The following ITPR1 variants were observed in gnomAD, a reference collection of about 807,000 sequenced individuals.
ITPR1 encodes the protein inositol 1,4,5-trisphosphate receptor type 1.
ITPR1 carries 96 observed loss-of-function variants against 318.4 expected under a neutral mutation model. The ratio of observed to expected loss-of-function variants is 0.30; its 90% CI spans 0.26 to 0.36. The LOEUF (loss-of-function observed/expected upper bound fraction) is 0.36. Ranked by LOEUF, ITPR1 falls within the 10% of genes least tolerant of loss-of-function variation. The pLI, the probability that ITPR1 is intolerant of heterozygous loss-of-function variation, is 1.00. For synonymous variants in ITPR1, 1,312 were observed against 1,289.9 expected (o/e 1.02, Z -0.37); for missense variants, 2,440 against 3,460.2 (o/e 0.71, Z 7.40).
At chr3:4,782,792 A>C in intron 50 of ITPR1, 51 bp downstream of exon 50, 1 of 1,405,234 alleles carries the variant, frequency 7.1e-7, no homozygotes, top group Non-Finnish European at 9.3e-7. Context: ...ACAGGTCCAA[A>C]ATTCCGAGCT....
intron 60 of ITPR1, among the ~76,000 whole-genome samples, chr3:4,835,637 C>G (rs1337655615): frequency 6.6e-6 from 1 of 152,162 alleles, no homozygotes; most frequent in East Asian, 1.9e-4. Context: ...CAAGATAAAA[C>G]TGGTCCAGGT....
chr3:4,661,098 G>A lies in ITPR1; in HGVS notation c.1251+11G>A, dbSNP rs766178256. 1.3e-6 allele frequency: 2 copies of A among 1,494,430 alleles called. No homozygotes were observed. Among genetic ancestry groups the A allele is most frequent in the South Asian group, 1.1e-5 (1 of 88,366 alleles). The allele number at this position is 1,494,430 out of a possible 1,614,324, so 92.6% of individuals were successfully genotyped here. On this transcript the variant is annotated intron_variant, in intron 14 of 61. Transcript: ENST00000649015. Reference sequence around the variant, plus strand: ...CCCGTGATGCTGAAAGTAAGTCCTGGGACTTGCCTGTCTCCTTTTGGTCTC... The same window carrying A: ...CCCGTGATGCTGAAAGTAAGTCCTGAGACTTGCCTGTCTCCTTTTGGTCTC...
intron 4 of ITPR1, among the ~76,000 whole-genome samples, chr3:4,621,403 A>T (rs180803732): frequency 5.3e-5 from 8 of 152,250 alleles, no homozygotes; most frequent in Admixed American, 4.6e-4. Context: ...TGAGCACAGC[A>T]CCAAAGAGGT....
chr3:4,539,873 C>G (rs1418247325), intron 4 of ITPR1, among the ~76,000 whole-genome samples: 1 of 151,648 alleles, frequency 6.6e-6, no homozygotes, highest in Non-Finnish European at 1.5e-5. Flanking sequence ...CAGATGTGGC[C>G]TCTGACTTGG....
At chr3:4,806,056 G>C in intron 54 of ITPR1, 47 bp from the exon 55 acceptor site, 1 of 1,521,270 alleles carries the variant, frequency 6.6e-7, no homozygotes, top group Non-Finnish European at 9.0e-7. Context: ...CTCATGAAGA[G>C]TTTGGCACAG....
intron 43 of ITPR1, among the ~76,000 whole-genome samples, chr3:4,733,777 C>T (rs2043092302): frequency 6.6e-6 from 1 of 152,164 alleles, no homozygotes; most frequent in Admixed American, 6.6e-5. Flanking sequence ...AATGCCCATG[C>T]TGTGTACATC....
At chr3:4,534,669 T>C (rs947056401) in intron 4 of ITPR1, among the ~76,000 whole-genome samples, 4 of 152,192 alleles carry the variant, frequency 2.6e-5, no homozygotes, top group Admixed American at 2.0e-4. Context: ...CCGGGTACAT[T>C]TGAGTTCCAA....
intron 39 of ITPR1, among the ~76,000 whole-genome samples, chr3:4,714,445 C>T (rs570288120): frequency 1.3e-5 from 2 of 152,236 alleles, no homozygotes; most frequent in African/African-American, 2.4e-5. Flanking sequence ...GAGCCTTCAC[C>T]GCCAAAGAAT....
At position 4,766,556 on chromosome 3, in the gene ITPR1, A is replaced by C; in HGVS notation, c.5571A>C (p.Glu1857Asp). The C allele has an allele frequency of 6.2e-7, 1 of 1,613,856 alleles. No homozygotes were observed. Among genetic ancestry groups the C allele is most frequent in the Non-Finnish European group, 8.5e-7 (1 of 1,179,762 alleles). The change falls in exon 45 of 62, where the codon GAA becomes GAC. Residue 1857 changes from glutamate to aspartate, a missense_variant. Glu to Asp is a conservative substitution (Grantham distance 45). Coordinates refer to ENST00000649015, the MANE Select transcript of ITPR1 (RefSeq NM_001378452.1). ...ACTCCTTTTTCTGTCGCTTGACAGA[A>C]GATAAGAAGTCAGAGAAATTCTTTA... ...IQHSFFCRLT[E>D]DKKSEKFFKV...
At chr3:4,763,881 A>G (rs929294739) in intron 44 of ITPR1, among the ~76,000 whole-genome samples, 1 of 152,274 alleles carries the variant, frequency 6.6e-6, no homozygotes, top group Non-Finnish European at 1.5e-5. Context: ...CGCTGCTGTC[A>G]GATAACAGAT....
intron 44 of ITPR1, among the ~76,000 whole-genome samples, chr3:4,746,434 C>G (rs2125337514): frequency 6.6e-6 from 1 of 152,344 alleles, no homozygotes. Flanking sequence ...GGGCCATGAA[C>G]TCAGATGCCT....
In ITPR1 at chr3:4,720,848, G is replaced by A. The variant is rs556844856; in HGVS notation, c.5136+3449G>A. 3.3e-5 allele frequency among the ~76,000 whole-genome samples: 5 copies of A among 152,210 alleles called. No individual in the cohort carries two copies. In the South Asian group the frequency reaches 6.2e-4, roughly 19 times the overall value. On this transcript the variant is annotated intron_variant, in intron 40 of 61. Transcript: ENST00000649015. ...TGATTAAATTTCACCTTCAGGGGGC[G>A]TTCTCATGACGCCCAACCCAGGGTG...
At chr3:4,702,484 A>C (rs1325046094) in intron 35 of ITPR1, among the ~76,000 whole-genome samples, 5 of 152,202 alleles carry the variant, frequency 3.3e-5, no homozygotes. Flanking sequence ...AGGTGAAGTA[A>C]TTTGCCTAAA....
At chr3:4,579,482 A>C (rs570452852) in intron 4 of ITPR1, among the ~76,000 whole-genome samples, 1 of 152,336 alleles carries the variant, frequency 6.6e-6, no homozygotes, top group South Asian at 2.1e-4. Flanking sequence ...CCTGATCAAG[A>C]GCTATCTTCA....
chr3:4,635,701 G>A (rs537735351), intron 5 of ITPR1, among the ~76,000 whole-genome samples: 2 of 152,128 alleles, frequency 1.3e-5, no homozygotes, highest in African/African-American at 4.8e-5. Flanking sequence ...TGTACTTGAG[G>A]GATTTAACCA....
Position 4,699,937 on chromosome 3 carries a change from T to C in ITPR1, c.4532T>C (p.Leu1511Ser). Residue 1511 changes from leucine to serine, a missense_variant, in exon 35 of 62, where the codon TTG becomes TCG. This residue lies in a region of ITPR1 where 166 missense variants were observed against 246.5 expected (regional missense o/e 0.67). Transcript: ENST00000649015. ...SSPFSDQSTT[L>S]QTRQPVFVQL... Reference sequence around the variant, plus strand: ...CCCTTCTCAGACCAGAGTACGACTTTGCAGGTAAGAAATAACCAACGTCAA... The same window carrying C: ...CCCTTCTCAGACCAGAGTACGACTTCGCAGGTAAGAAATAACCAACGTCAA... 6.2e-7 allele frequency: 1 copy of C among 1,612,660 alleles called. No homozygotes were observed. The highest frequency in any genetic ancestry group is 8.5e-7 in the Non-Finnish European group (1 of 1,178,874).
chr3:4,583,740 G>A (rs988267588), intron 4 of ITPR1, among the ~76,000 whole-genome samples: 2 of 152,142 alleles, frequency 1.3e-5, no homozygotes, highest in South Asian at 2.1e-4. Flanking sequence ...CTAGTTCTGC[G>A]CTGGGAACTT....
chr3:4,577,641 A>G (rs1373016572), intron 4 of ITPR1, among the ~76,000 whole-genome samples: 1 of 152,240 alleles, frequency 6.6e-6, no homozygotes, highest in African/African-American at 2.4e-5. Context: ...TAACTACAAT[A>G]ATACCTTTGC....
intron 60 of ITPR1, among the ~76,000 whole-genome samples, chr3:4,830,294 G>C (rs550313575): frequency 6.6e-6 from 1 of 152,138 alleles, no homozygotes; most frequent in African/African-American, 2.4e-5. Flanking sequence ...ATATTATTAA[G>C]TGGCATTTCA....
Sources: allele counts gnomAD v4.1 joint callset (sites outside exome capture counted in the v4.1 genomes callset), GRCh38; gene constraint gnomAD v4.1.1; regional missense constraint gnomAD v4.1.1; transcripts MANE v1.5; gene names NCBI Gene and HGNC (gene_info 2026-07-23, HGNC 2026-07-21).